The following FBXW7 variants were observed in gnomAD, a reference collection of about 807,000 sequenced individuals.
FBXW7 encodes F-box and WD repeat domain containing 7.
FBXW7 carries 11 observed loss-of-function variants against 86.3 expected under a neutral mutation model. The observed-to-expected ratio is 0.13, with a 90% confidence interval of 0.08 to 0.21. The LOEUF is 0.21. FBXW7 is among the 10% of genes least tolerant of loss of function. The pLI is 1.00. For missense variants in FBXW7, 488 were observed against 847.4 expected (o/e 0.58, Z 5.27); for synonymous variants, 313 against 297.9 (o/e 1.05, Z -0.52).
intron 2 of FBXW7, among the ~76,000 whole-genome samples, chr4:152,459,044 G>C (rs1331915847): frequency 6.6e-6 from 1 of 152,112 alleles, no homozygotes; most frequent in Non-Finnish European, 1.5e-5. Flanking sequence ...CTTCCTCTCT[G>C]TATATTCACT....
chr4:152,326,840 T>C (rs1178165469), intron 11 of FBXW7, among the ~76,000 whole-genome samples: 1 of 152,120 alleles, frequency 6.6e-6, no homozygotes, highest in African/African-American at 2.4e-5. Context: ...TAACCAGTTT[T>C]AGACATGTCC....
intron 4 of FBXW7, among the ~76,000 whole-genome samples, chr4:152,379,512 CTCT>C: frequency 6.6e-6 from 1 of 152,016 alleles, no homozygotes; most frequent in Non-Finnish European, 1.5e-5. Context: ...TTTTCTTTCT[CTCT>C]TCTAATTTTA....
At chr4:152,356,006 C>T (rs1042638876) in intron 4 of FBXW7, among the ~76,000 whole-genome samples, 4 of 151,978 alleles carry the variant, frequency 2.6e-5, no homozygotes, top group African/African-American at 7.3e-5. Flanking sequence ...TGGTCTTAAG[C>T]GAATCATGTA....
chr4:152,350,317 AT>A (rs1278295705), intron 4 of FBXW7, among the ~76,000 whole-genome samples, 193 bp from the exon 5 acceptor site: 3 of 151,622 alleles, frequency 2.0e-5, no homozygotes, highest in African/African-American at 4.8e-5. Flanking sequence ...GGAAAGGTGA[AT>A]TTTCCCCCCT....
intron 2 of FBXW7, among the ~76,000 whole-genome samples, chr4:152,434,975 C>T (rs1740254127): frequency 6.8e-6 from 1 of 146,422 alleles, no homozygotes; most frequent in South Asian, 2.2e-4. Flanking sequence ...CCCCCACACA[C>T]AAGCTCTTCC....
At position 152,530,070 on chromosome 4, in the gene FBXW7, TACACACACACAC is replaced by T. The variant is rs200498212; in HGVS notation, c.-120+4859_-120+4870del. Among the ~76,000 whole-genome samples, 63 of 124,666 alleles carry T rather than the reference TACACACACACAC, an allele frequency of 5.1e-4. 1 individual carries two copies. Among genetic ancestry groups the T allele is most frequent in the African/African-American group, 1.4e-3 (48 of 33,632 alleles). 81.8% of individuals were successfully genotyped at this position (124,666 alleles called of 152,430 possible). On this transcript the variant is annotated intron_variant, in intron 2 of 13. Coordinates refer to ENST00000281708, the MANE Select transcript of FBXW7 (RefSeq NM_001349798.2). ...GACCCCGTCACAAAAAAAAAAAAAA[TACACACACACAC>T]ACACACACACACACACACACGTGTA...
chr4:152,462,726 A>T (rs1743063972), intron 2 of FBXW7, among the ~76,000 whole-genome samples: 1 of 152,154 alleles, frequency 6.6e-6, no homozygotes, highest in Non-Finnish European at 1.5e-5. Flanking sequence ...TTTTGTCCAG[A>T]TCTTATAATT....
intron 4 of FBXW7, among the ~76,000 whole-genome samples, chr4:152,396,370 C>G (rs1736418567): frequency 1.3e-5 from 2 of 151,972 alleles, no homozygotes; most frequent in African/African-American, 4.8e-5. Context: ...CTACTCCCAA[C>G]ATCGTCCTTC....
intron 2 of FBXW7, among the ~76,000 whole-genome samples, chr4:152,450,230 T>G (rs1741789238): frequency 6.6e-6 from 1 of 152,222 alleles, no homozygotes; most frequent in Non-Finnish European, 1.5e-5. Flanking sequence ...AGATAAAGGC[T>G]ATGGTAACAA....
chr4:152,502,178 G>A (rs1747016182), intron 2 of FBXW7, among the ~76,000 whole-genome samples: 1 of 152,134 alleles, frequency 6.6e-6, no homozygotes, highest in Non-Finnish European at 1.5e-5. Flanking sequence ...CTTGAAATGT[G>A]GCTAGTGTTA....
intron 2 of FBXW7, among the ~76,000 whole-genome samples, chr4:152,429,693 A>G (rs1243757967): frequency 6.6e-6 from 1 of 152,236 alleles, no homozygotes; most frequent in African/African-American, 2.4e-5. Context: ...TCTTTGGGCA[A>G]GCAACCTTAA....
chr4:152,477,125 A>C (rs1213730954), intron 2 of FBXW7, among the ~76,000 whole-genome samples: 1 of 151,972 alleles, frequency 6.6e-6, no homozygotes, highest in African/African-American at 2.4e-5. Flanking sequence ...CTGTCCTTCA[A>C]CTCCAACTCA....
At chr4:152,384,225 G>A (rs1195239735) in intron 4 of FBXW7, among the ~76,000 whole-genome samples, 2 of 152,006 alleles carry the variant, frequency 1.3e-5, no homozygotes, top group Non-Finnish European at 2.9e-5. Flanking sequence ...ACAGATACCT[G>A]TATACACATG....
Position 152,411,551 on chromosome 4 carries a change from T to C in FBXW7, c.253A>G (p.Ile85Val), listed in dbSNP as rs1227575884. The C allele has an allele frequency of 1.2e-6, 2 of 1,613,860 alleles. No individual in the cohort carries two copies. Among genetic ancestry groups the C allele is most frequent in the African/African-American group, 1.3e-5 (1 of 74,908 alleles). Residue 85 changes from isoleucine (I) to valine (V), a missense_variant, in exon 4 of 14, where the codon ATT (isoleucine) becomes GTT (valine). Physicochemically the swap from Ile to Val is conservative, Grantham distance 29 (BLOSUM62 3). Coordinates refer to ENST00000281708, the MANE Select transcript of FBXW7 (RefSeq NM_001349798.2). ...GQLEENNNRF[I>V]SVDEDSSGNQ... ...CCTGAGGAGTCCTCATCTACCGAAA[T>C]AAATCTATTATTGTTTTCTTCCAAC...
chr4:152,415,253 C>A (rs1738318634), intron 2 of FBXW7, among the ~76,000 whole-genome samples: 1 of 151,900 alleles, frequency 6.6e-6, no homozygotes, highest in South Asian at 2.1e-4. Context: ...CAGTTTATAC[C>A]AATAAAACAA....
chr4:152,385,487 C>T (rs944090174), intron 4 of FBXW7, among the ~76,000 whole-genome samples: 6 of 151,688 alleles, frequency 4.0e-5, no homozygotes, highest in Middle Eastern at 3.4e-3. Context: ...CTGATCCTAA[C>T]GGGGGGAAAA....
At chr4:152,475,468 A>C (rs577671340) in intron 2 of FBXW7, among the ~76,000 whole-genome samples, 40 of 152,156 alleles carry the variant, frequency 2.6e-4, no homozygotes, top group Non-Finnish European at 5.1e-4. Context: ...AAACACCAGG[A>C]ACAAAGCAAA....
chr4:152,334,052 TCAACAACAACAA>T (rs573332703), intron 7 of FBXW7, among the ~76,000 whole-genome samples: 7 of 151,550 alleles, frequency 4.6e-5, no homozygotes, highest in Middle Eastern at 3.4e-3. Context: ...AGATTCTGTC[TCAACAACAACAA>T]CAACAACAAC....
chr4:152,520,092 C>T (rs1748865217), intron 2 of FBXW7, among the ~76,000 whole-genome samples: 1 of 152,192 alleles, frequency 6.6e-6, no homozygotes, highest in Admixed American at 6.5e-5. Context: ...TAGATTCATA[C>T]CCCTCTCCTT....
Sources: allele counts gnomAD v4.1 joint callset (sites outside exome capture counted in the v4.1 genomes callset), GRCh38; gene constraint gnomAD v4.1.1; transcripts MANE v1.5; gene names NCBI Gene and HGNC (gene_info 2026-07-23, HGNC 2026-07-21).